The following NCALD variants were observed in gnomAD, a reference collection of about 807,000 sequenced individuals.
The protein encoded by NCALD is neurocalcin-delta.
NCALD carries 10 observed loss-of-function variants against 18.6 expected under a neutral mutation model. The ratio of observed to expected loss-of-function variants is 0.54; its 90% CI spans 0.33 to 0.91. The LOEUF (loss-of-function observed/expected upper bound fraction) is 0.91, where lower values mean the gene tolerates loss of function less well. Ranked by LOEUF, NCALD falls within the 40% of genes least tolerant of loss-of-function variation. NCALD has a pLI of 0.03. For synonymous variants in NCALD, 88 were observed against 87.4 expected (o/e 1.01, Z -0.04); for missense variants, 184 against 247.6 (o/e 0.74, Z 1.72).
intron 1 of NCALD, among the ~76,000 whole-genome samples, chr8:101,749,023 T>C (rs991672606): frequency 6.6e-6 from 1 of 152,218 alleles, no homozygotes; most frequent in East Asian, 1.9e-4. Context: ...GTGTTTTCCA[T>C]ATGTAATTGT....
At chr8:101,719,697 G>A in intron 1 of NCALD, 49 bp from the exon 2 acceptor site, 1 of 1,459,144 alleles carries the variant, frequency 6.9e-7, no homozygotes, top group Admixed American at 2.3e-5. Flanking sequence ...TGCTCTTTAG[G>A]GCTGCATTTT....
intron 1 of NCALD, among the ~76,000 whole-genome samples, chr8:101,782,439 CA>C (rs1233578960): frequency 6.6e-6 from 1 of 152,144 alleles, no homozygotes; most frequent in African/African-American, 2.4e-5. Context: ...GAAACAGAGT[CA>C]CTAAAATATT....
chr8:101,844,153 A>G (rs1339165808), intron 4 of NCALD, among the ~76,000 whole-genome samples: 2 of 152,022 alleles, frequency 1.3e-5, no homozygotes, highest in South Asian at 2.1e-4. Context: ...GAATTCAAGC[A>G]CCTGTGGAAG....
At chr8:102,080,968 T>C (rs1824508778) in intron 1 of NCALD, among the ~76,000 whole-genome samples, 1 of 152,178 alleles carries the variant, frequency 6.6e-6, no homozygotes. Flanking sequence ...GGTTGGGGTT[T>C]TTTCCCCCAA....
intron 2 of NCALD, among the ~76,000 whole-genome samples, chr8:101,976,460 T>C (rs1362004713): frequency 6.6e-6 from 1 of 152,222 alleles, no homozygotes; most frequent in Non-Finnish European, 1.5e-5. Flanking sequence ...GATGAAAAGA[T>C]AAAATAATTT....
At chr8:101,770,136 A>G (rs1352774677) in intron 1 of NCALD, among the ~76,000 whole-genome samples, 3 of 152,238 alleles carry the variant, frequency 2.0e-5, no homozygotes, top group East Asian at 1.9e-4. Context: ...TTGTGGCCAT[A>G]TATTTCAGGA....
chr8:102,102,645 C>T (rs1262752627), intron 1 of NCALD, among the ~76,000 whole-genome samples: 1 of 152,202 alleles, frequency 6.6e-6, no homozygotes, highest in African/African-American at 2.4e-5. Flanking sequence ...CTGCCCATTG[C>T]CTCAGCAGCA....
intron 1 of NCALD, among the ~76,000 whole-genome samples, chr8:102,102,156 T>C (rs1171872609): frequency 6.6e-6 from 1 of 152,218 alleles, no homozygotes; most frequent in Non-Finnish European, 1.5e-5. Context: ...GGCAATAATA[T>C]TCAATTCATT....
chr8:102,014,526 A>G (rs1822013765), intron 2 of NCALD, among the ~76,000 whole-genome samples: 2 of 152,188 alleles, frequency 1.3e-5, no homozygotes, highest in South Asian at 4.1e-4. Flanking sequence ...AGCACCAGAA[A>G]ATTCCCTGCT....
intron 1 of NCALD, among the ~76,000 whole-genome samples, chr8:102,047,027 C>T (rs980311260): frequency 4.6e-5 from 7 of 152,138 alleles, no homozygotes; most frequent in African/African-American, 1.7e-4. Flanking sequence ...TTTGCGTTCA[C>T]AGGTTCTTAT....
At chr8:101,942,111 A>G (rs933551817) in intron 2 of NCALD, among the ~76,000 whole-genome samples, 2 of 152,214 alleles carry the variant, frequency 1.3e-5, no homozygotes, top group Non-Finnish European at 2.9e-5. Context: ...CTCACTTAAC[A>G]TCATTCATTT....
intron 2 of NCALD, among the ~76,000 whole-genome samples, chr8:101,950,698 T>C (rs550939500): frequency 1.2e-4 from 19 of 152,316 alleles, no homozygotes; most frequent in Admixed American, 9.2e-4. Context: ...CTTGTTCCTA[T>C]TGAAGGTCTG....
chr8:102,018,218 T>C (rs1822154739), intron 2 of NCALD, among the ~76,000 whole-genome samples: 2 of 152,186 alleles, frequency 1.3e-5, no homozygotes. Context: ...ATGCTTTCCA[T>C]ATGATACAAT....
intron 1 of NCALD, among the ~76,000 whole-genome samples, chr8:101,782,040 T>C (rs1812034543): frequency 6.8e-6 from 1 of 146,890 alleles, no homozygotes; most frequent in Non-Finnish European, 1.5e-5. Context: ...TTCAGAATAA[T>C]GTGCAGTGTC....
At chr8:102,070,036 C>T (rs2132290364) in intron 1 of NCALD, 1 of 152,100 alleles carries the variant, frequency 6.6e-6, no homozygotes, top group Non-Finnish European at 1.5e-5. Context: ...ATTGCTTGAA[C>T]CCAGGAGATG....
At chr8:101,927,129 C>T (rs907331427) in intron 2 of NCALD, among the ~76,000 whole-genome samples, 1 of 152,272 alleles carries the variant, frequency 6.6e-6, no homozygotes, top group African/African-American at 2.4e-5. Context: ...TAGCATGATC[C>T]TCACCTTGCC....
intron 1 of NCALD, among the ~76,000 whole-genome samples, chr8:102,050,625 T>G (rs1823409512): frequency 6.7e-6 from 1 of 148,800 alleles, no homozygotes; most frequent in Admixed American, 6.7e-5. Flanking sequence ...ATTTTTAATA[T>G]AGTATATACT....
At chr8:101,795,143 G>A (rs1812591802), upstream of NCALD, among the ~76,000 whole-genome samples, 2 of 152,250 alleles carry the variant, frequency 1.3e-5, no homozygotes, top group Non-Finnish European at 2.9e-5. Context: ...GGTGAGTTCT[G>A]TTTCCCACTA....
chr8:101,821,881 T>TAAAAAAAAAAAA (rs370878560), intron 4 of NCALD, among the ~76,000 whole-genome samples: 17 of 116,496 alleles, frequency 1.5e-4, no homozygotes, highest in African/African-American at 3.4e-4. Flanking sequence ...GGGTTCTAAG[T>TAAAAAAAAAAAA]AAAAAAAAAA....
Sources: gnomAD v4.1 joint callset for allele counts (sites outside exome capture counted in the v4.1 genomes callset) on GRCh38, gnomAD v4.1.1 for gene constraint, MANE v1.5 for transcripts, NCBI Gene and HGNC (gene_info 2026-07-23, HGNC 2026-07-21) for gene names.